Variants in MGAT4C observed in about 807,000 individuals in gnomAD.
MGAT4C encodes the protein MGAT4 family member C.
MGAT4C carries 19 observed loss-of-function variants against 40.1 expected under a neutral mutation model. The observed-to-expected ratio is 0.47, with a 90% CI of 0.33 to 0.70. MGAT4C has a LOEUF of 0.70. Ranked by LOEUF, MGAT4C falls within the 30% of genes least tolerant of loss-of-function variation. The pLI, the probability that MGAT4C is intolerant of heterozygous loss-of-function variation, is 0.02. For missense variants in MGAT4C, 491 were observed against 563.2 expected, an observed-to-expected ratio of 0.87 and a Z score of 1.30; for synonymous variants, 181 against 187.1, an observed-to-expected ratio of 0.97 and a Z score of 0.27.
intron 2 of MGAT4C, among the ~76,000 whole-genome samples, chr12:86,597,409 GA>G (rs1231021961): frequency 6.6e-6 from 1 of 152,154 alleles, no homozygotes; most frequent in Non-Finnish European, 1.5e-5. Flanking sequence ...AGGGAGAAAT[GA>G]AAATAAACCA....
At chr12:86,724,389 A>G (rs1950788616) in intron 2 of MGAT4C, among the ~76,000 whole-genome samples, 1 of 152,206 alleles carries the variant, frequency 6.6e-6, no homozygotes, top group South Asian at 2.1e-4. Context: ...ATTTTTGCTC[A>G]ATAACAAGTG....
At chr12:86,133,420 A>C (rs1881522850) in intron 1 of MGAT4C, among the ~76,000 whole-genome samples, 1 of 152,146 alleles carries the variant, frequency 6.6e-6, no homozygotes, top group Non-Finnish European at 1.5e-5. Flanking sequence ...TTTTAGAGTA[A>C]ATGAGTTTTT....
chr12:86,528,854 A>G (rs1487387554), intron 2 of MGAT4C, among the ~76,000 whole-genome samples: 2 of 152,068 alleles, frequency 1.3e-5, no homozygotes, highest in Non-Finnish European at 1.5e-5. Context: ...AATTGAAGCT[A>G]TCACATCAAA....
At chr12:86,573,938 A>G (rs1960462961) in intron 2 of MGAT4C, among the ~76,000 whole-genome samples, 1 of 151,892 alleles carries the variant, frequency 6.6e-6, no homozygotes, top group African/African-American at 2.4e-5. Flanking sequence ...CAAAGCAACA[A>G]ACTTGTCTTA....
rs1313578460 is a variant in MGAT4C at position 86,252,675 on chromosome 12, T to C, written c.-57+3564A>G. On this transcript the variant is annotated intron_variant, in intron 1 of 4. Transcript: ENST00000611864. Reference sequence around the variant, plus strand: ...TTGCTTGTTCAAACACAAACTACTATCATTTGGGAGATATTAAGTTTTTAA... The same window carrying C: ...TTGCTTGTTCAAACACAAACTACTACCATTTGGGAGATATTAAGTTTTTAA... Among the ~76,000 whole-genome samples the C allele has an allele frequency of 2.0e-5, 3 of 151,780 alleles. No homozygotes were observed. The East Asian group carries it at 5.8e-4, about 29-fold the overall frequency.
At chr12:86,347,411 A>T (rs1408730005) in intron 3 of MGAT4C, among the ~76,000 whole-genome samples, 1 of 152,158 alleles carries the variant, frequency 6.6e-6, no homozygotes, top group Non-Finnish European at 1.5e-5. Flanking sequence ...TTGATCACTG[A>T]ATTCGTGACT....
intron 1 of MGAT4C, among the ~76,000 whole-genome samples, chr12:86,082,908 A>C (rs948659662): frequency 2.0e-5 from 3 of 152,016 alleles, no homozygotes; most frequent in Non-Finnish European, 4.4e-5. Context: ...GTGCCAATGG[A>C]AAATGACATG....
intron 3 of MGAT4C, among the ~76,000 whole-genome samples, chr12:86,353,063 A>AT (rs1955210340): frequency 1.3e-5 from 2 of 150,620 alleles, no homozygotes; most frequent in South Asian, 4.1e-4. Flanking sequence ...AAAATAAATT[A>AT]TAAAAAAAAA....
At chr12:86,425,736 A>G (rs1293512777) in intron 3 of MGAT4C, among the ~76,000 whole-genome samples, 3 of 152,188 alleles carry the variant, frequency 2.0e-5, no homozygotes, top group African/African-American at 7.2e-5. Flanking sequence ...AGGAAATTAC[A>G]TGATGATCCC....
At chr12:86,688,792 T>G (rs1207471272) in intron 2 of MGAT4C, among the ~76,000 whole-genome samples, 1 of 152,206 alleles carries the variant, frequency 6.6e-6, no homozygotes, top group Non-Finnish European at 1.5e-5. Flanking sequence ...TTCCTTCAGT[T>G]CAACCTTAGT....
At position 86,248,885 on chromosome 12, in the gene MGAT4C, T is replaced by G. The variant is rs12299950; in HGVS notation, c.-57+7354A>C. On this transcript the variant is annotated intron_variant, in intron 1 of 4. Coordinates refer to ENST00000611864, the MANE Select transcript of MGAT4C (RefSeq NM_001351288.2). ...AGACAGCTGTGAAACTAGCTAGTGT[T>G]ATGCTCTGTTCCCATGCTGAGCACC... 7.7e-3 allele frequency among the ~76,000 whole-genome samples: 1,169 copies of G among 152,266 alleles called. 22 individuals are homozygous for G. The highest frequency in any genetic ancestry group is 0.027 in the African/African-American group (1,120 of 41,566).
chr12:86,254,616 A>G (rs1325437589), intron 1 of MGAT4C, among the ~76,000 whole-genome samples: 1 of 152,048 alleles, frequency 6.6e-6, no homozygotes, highest in Non-Finnish European at 1.5e-5. Context: ...GGGAAAGAAA[A>G]AAAATTCATT....
At chr12:86,092,505 G>T (rs1592915773) in intron 1 of MGAT4C, among the ~76,000 whole-genome samples, 1 of 151,980 alleles carries the variant, frequency 6.6e-6, no homozygotes, top group African/African-American at 2.4e-5. Flanking sequence ...ACTAAAAAAA[G>T]ACGCTAAAAT....
chr12:86,214,458 T>C (rs897245542), intron 1 of MGAT4C, among the ~76,000 whole-genome samples: 1 of 152,252 alleles, frequency 6.6e-6, no homozygotes, highest in African/African-American at 2.4e-5. Context: ...TCTGATTCCA[T>C]GTAGGCTACT....
In MGAT4C at chr12:86,408,479, C is replaced by CTATATATATATA. The variant is rs71076198; in HGVS notation, c.-120+26666_-120+26677dup. Among the ~76,000 whole-genome samples, 34 of 63,326 alleles carry CTATATATATATA rather than the reference C, an allele frequency of 5.4e-4. 1 individual carries two copies. The highest frequency in any genetic ancestry group is 2.1e-3 in the African/African-American group (27 of 12,760). 41.5% of individuals were successfully genotyped at this position (63,326 alleles called of 152,430 possible). ...TCTCTCTCTCTCTCTCTCTCTCTCT[C>CTATATATATATA]TATATATATATATATATATATATAT... On this transcript the variant is annotated intron_variant, in intron 3 of 7. Coordinates refer to the MGAT4C transcript ENST00000548651.
chr12:86,190,377 T>A (rs1889245951), intron 1 of MGAT4C, among the ~76,000 whole-genome samples: 1 of 152,158 alleles, frequency 6.6e-6, no homozygotes, highest in South Asian at 2.1e-4. Flanking sequence ...CAAATTGGCA[T>A]AATTAAAGTG....
intron 1 of MGAT4C, among the ~76,000 whole-genome samples, chr12:86,783,402 GA>G (rs1426302819): frequency 6.6e-6 from 1 of 150,714 alleles, no homozygotes; most frequent in Non-Finnish European, 1.5e-5. Context: ...TCACAACCCA[GA>G]AGAAGATCAG....
At chr12:86,711,611 A>T (rs1950557479) in intron 2 of MGAT4C, among the ~76,000 whole-genome samples, 1 of 152,086 alleles carries the variant, frequency 6.6e-6, no homozygotes, top group Admixed American at 6.6e-5. Context: ...GTAGTATAAG[A>T]TCTCTATTAA....
At chr12:86,012,790 C>A (rs61931070) in intron 2 of MGAT4C, among the ~76,000 whole-genome samples, 22,804 of 113,962 alleles carry the variant, frequency 0.2, 1,830 homozygotes, top group Non-Finnish European at 0.23. Flanking sequence ...CCACCACCAC[C>A]ACCACCACCA....
Sources: gnomAD v4.1 joint callset for allele counts (sites outside exome capture counted in the v4.1 genomes callset) on GRCh38, gnomAD v4.1.1 for gene constraint, MANE v1.5 for transcripts, NCBI Gene and HGNC (gene_info 2026-07-23, HGNC 2026-07-21) for gene names.